The following RTN4IP1 variants were observed in gnomAD, a reference collection of about 807,000 sequenced individuals.
RTN4IP1 encodes the protein NAD(P)H oxidoreductase RTN4IP1, mitochondrial.
In RTN4IP1, 32 loss-of-function variants were observed where a neutral mutation model predicts 46.6. The observed-to-expected ratio is 0.69, with a 90% CI of 0.52 to 0.92. The LOEUF is 0.92. Among genes scored for constraint, RTN4IP1 ranks in the 40% least tolerant of loss-of-function variants. The pLI, the probability that RTN4IP1 is intolerant of heterozygous loss-of-function variation, is 0.00. For missense variants in RTN4IP1, 424 were observed against 485.8 expected, an observed-to-expected ratio of 0.87 and a Z score of 1.20; for synonymous variants, 167 against 161.8, an observed-to-expected ratio of 1.03 and a Z score of -0.24.
intron 3 of RTN4IP1, among the ~76,000 whole-genome samples, chr6:106,621,125 C>T (rs1213089636): frequency 1.3e-5 from 2 of 152,188 alleles, no homozygotes; most frequent in African/African-American, 4.8e-5. Flanking sequence ...AATCCATCCT[C>T]TCTACTGCCT....
chr6:106,581,011 G>C (rs2114626135), intron 8 of RTN4IP1, among the ~76,000 whole-genome samples: 1 of 149,168 alleles, frequency 6.7e-6, no homozygotes, highest in South Asian at 2.1e-4. Context: ...TTGCAGCACA[G>C]TATGTTATCC....
At chr6:106,619,811 C>A (rs1407245060) in intron 3 of RTN4IP1, among the ~76,000 whole-genome samples, 1 of 151,766 alleles carries the variant, frequency 6.6e-6, no homozygotes, top group Non-Finnish European at 1.5e-5. Flanking sequence ...CAGGGTTTCA[C>A]CGTGTTAGCC....
intron 8 of RTN4IP1, among the ~76,000 whole-genome samples, chr6:106,579,010 G>A (rs1775292427): frequency 6.6e-6 from 1 of 151,498 alleles, no homozygotes; most frequent in Non-Finnish European, 1.5e-5. Flanking sequence ...GCCAAGGTGG[G>A]TGGATCACGA....
intron 6 of RTN4IP1, among the ~76,000 whole-genome samples, chr6:106,589,291 AG>A (rs1775588177): frequency 1.8e-5 from 2 of 108,308 alleles, no homozygotes; most frequent in Non-Finnish European, 4.0e-5. Flanking sequence ...AAGAAGAAAG[AG>A]AAGAAGAAGA....
chr6:106,578,435 C>T (rs757147180), intron 8 of RTN4IP1, among the ~76,000 whole-genome samples: 7 of 152,220 alleles, frequency 4.6e-5, no homozygotes, highest in African/African-American at 1.2e-4. Flanking sequence ...ATGGCATATG[C>T]GTGACCTGAA....
intron 5 of RTN4IP1, among the ~76,000 whole-genome samples, chr6:106,595,743 C>T (rs1775775336): frequency 6.6e-6 from 1 of 152,102 alleles, no homozygotes; most frequent in Non-Finnish European, 1.5e-5. Flanking sequence ...GGTGATCTGC[C>T]CGCCTTGGCA....
Position 106,583,431 on chromosome 6 carries a change from GAAAAC to G in RTN4IP1, c.991-16_991-12del, listed in dbSNP as rs1362437902. ...TCCTTTCCAGAAATGCTAAAAAGAA[GAAAAC>G]AAAACATGTCAAATACAGAAAAACA... On this transcript the variant is annotated splice_polypyrimidine_tract_variant and intron_variant, in intron 7 of 8. Transcript: ENST00000369063. The G allele has an allele frequency of 1.9e-6, 3 of 1,602,984 alleles. No homozygotes were observed. Among genetic ancestry groups the G allele is most frequent in the Admixed American group, 3.4e-5 (2 of 59,672 alleles).
In RTN4IP1 at chr6:106,628,831, A is replaced by G. The variant is rs1776727273; in HGVS notation, c.191T>C (p.Met64Thr). The G allele has an allele frequency of 1.2e-6, 2 of 1,614,178 alleles. No individual in the cohort carries two copies. The highest frequency in any genetic ancestry group is 3.3e-5 in the Admixed American group (2 of 60,028). The change falls in exon 1 of 9, where the codon ATG becomes ACG. Residue 64 changes from methionine to threonine, a missense_variant. Physicochemically the swap from Met to Thr is moderately conservative, Grantham distance 81. Coordinates refer to ENST00000369063, the MANE Select transcript of RTN4IP1 (RefSeq NM_032730.5). ...ATTTGGATAGTGTATGATAGGCATC[A>G]TCATGTTCTGAGTGAATCGAAGCAC... ...NEVLRFTQNM[M>T]MPIIHYPNEV...
intron 8 of RTN4IP1, among the ~76,000 whole-genome samples, chr6:106,579,747 T>C (rs1775313039): frequency 6.6e-6 from 1 of 151,996 alleles, no homozygotes; most frequent in Non-Finnish European, 1.5e-5. Flanking sequence ...AAGCAGAATT[T>C]AGACTCTATC....
intron 8 of RTN4IP1, among the ~76,000 whole-genome samples, chr6:106,576,007 C>G (rs1285789939): frequency 6.6e-6 from 1 of 152,132 alleles, no homozygotes; most frequent in East Asian, 1.9e-4. Context: ...AATCCACACA[C>G]CTGTGGACAG....
At chr6:106,599,856 T>A (rs1775899596) in intron 5 of RTN4IP1, among the ~76,000 whole-genome samples, 1 of 151,662 alleles carries the variant, frequency 6.6e-6, no homozygotes, top group South Asian at 2.1e-4. Flanking sequence ...TTTTTAGAAA[T>A]TTTACAATTT....
At chr6:106,603,302 T>TAG (rs1319425454) in intron 4 of RTN4IP1, among the ~76,000 whole-genome samples, 2 of 152,186 alleles carry the variant, frequency 1.3e-5, no homozygotes, top group African/African-American at 4.8e-5. Flanking sequence ...GCTTAGCTGT[T>TAG]CTCTAAGAAA....
At chr6:106,613,516 A>G (rs1776280362) in intron 4 of RTN4IP1, among the ~76,000 whole-genome samples, 1 of 152,244 alleles carries the variant, frequency 6.6e-6, no homozygotes, top group South Asian at 2.1e-4. Context: ...TTAACAACAA[A>G]CTAATCAGGA....
At chr6:106,628,082 A>C (rs911369419) in intron 1 of RTN4IP1, among the ~76,000 whole-genome samples, 1 of 150,420 alleles carries the variant, frequency 6.6e-6, no homozygotes, top group African/African-American at 2.4e-5. Flanking sequence ...CAAACAAAAA[A>C]CCCCATAAAT....
chr6:106,619,191 G>C lies in RTN4IP1; in HGVS notation c.620+11C>G. On this transcript the variant is annotated intron_variant, in intron 4 of 8. Transcript: ENST00000369063. ...AGAGGTTTAGATGCTGCCACTGACT[G>C]ATACACTTACCGTTTTCCTGTGCAA... 6.2e-7 allele frequency: 1 copy of C among 1,614,014 alleles called. No individual in the cohort carries two copies. The highest frequency in any genetic ancestry group is 1.1e-5 in the South Asian group (1 of 91,066).
intron 1 of RTN4IP1, among the ~76,000 whole-genome samples, chr6:106,628,278 C>T (rs1776705838): frequency 6.6e-6 from 1 of 151,702 alleles, no homozygotes; most frequent in Admixed American, 6.6e-5. Flanking sequence ...CCAGCCTGAC[C>T]AACATAGTGA....
intron 4 of RTN4IP1, among the ~76,000 whole-genome samples, chr6:106,612,408 A>G (rs1014468393): frequency 2.0e-5 from 3 of 150,294 alleles, no homozygotes; most frequent in Non-Finnish European, 3.0e-5. Context: ...AAAAAAAAAA[A>G]AAAAGCTTGT....
intron 4 of RTN4IP1, among the ~76,000 whole-genome samples, chr6:106,612,637 A>C (rs1389504982): frequency 6.6e-6 from 1 of 152,212 alleles, no homozygotes; most frequent in African/African-American, 2.4e-5. Flanking sequence ...ACTTCCTCAT[A>C]AAGCAACCTT....
chr6:106,611,923 A>G (rs573007954), intron 4 of RTN4IP1, among the ~76,000 whole-genome samples: 1 of 152,350 alleles, frequency 6.6e-6, no homozygotes, highest in South Asian at 2.1e-4. Context: ...GTTAACCCAT[A>G]ATCGACGAAG....
Sources: allele counts gnomAD v4.1 joint callset (sites outside exome capture counted in the v4.1 genomes callset), GRCh38; gene constraint gnomAD v4.1.1; transcripts MANE v1.5; gene names NCBI Gene and HGNC (gene_info 2026-07-23, HGNC 2026-07-21).